RAB5C: variants seen among roughly 807,000 people sequenced by gnomAD.
The protein encoded by RAB5C is RAB5C, member RAS oncogene family.
RAB5C carries 4 observed loss-of-function variants against 25.2 expected under a neutral mutation model. The ratio of observed to expected loss-of-function variants is 0.16; its 90% CI spans 0.08 to 0.36. The LOEUF (loss-of-function observed/expected upper bound fraction) is 0.36, where lower values mean the gene tolerates loss of function less well. Among genes scored for constraint, RAB5C ranks in the 10% least tolerant of loss-of-function variants. RAB5C has a pLI of 1.00. For missense variants in RAB5C, 199 were observed against 283.8 expected (o/e 0.70, Z 2.15); for synonymous variants, 100 against 106.4 (o/e 0.94, Z 0.37).
chr17:42,128,655 G>A lies in RAB5C; in HGVS notation c.312C>T (p.Thr104=). 12 of 1,489,172 alleles carry A rather than the reference G, an allele frequency of 8.1e-6. No homozygotes were observed. Among genetic ancestry groups the A allele is most frequent in the Non-Finnish European group, 1.1e-5 (12 of 1,119,774 alleles). 92.2% of individuals were successfully genotyped at this position (1,489,172 alleles called of 1,614,324 possible). ...AGCAAGGGGAAATCTTTACTGTGTT[G>A]GTGATGTCATAGACCACGATGGCAG... ...AQAAIVVYDI[T]NTDTFARAKN... is the part of the protein sequence containing the mutation. Residue 104 remains threonine, a synonymous_variant, in exon 3 of 6, where the codon ACC becomes ACT. Transcript: ENST00000346213.
At position 42,130,483 on chromosome 17, in the gene RAB5C, G is replaced by A. The variant is rs1233145029; in HGVS notation, c.20C>T (p.Ala7Val). The change falls in exon 2 of 6, where the codon GCA becomes GTA. Residue 7 changes from alanine (A) to valine (V), a missense_variant. Ala to Val is a moderately conservative substitution (Grantham distance 64). Coordinates refer to ENST00000346213, the MANE Select transcript of RAB5C (RefSeq NM_004583.4). The stretch of plus-strand genomic sequence containing the variant: ...AGCAGCTGGTCCATTGGGTCGTGCT[G>A]CGCCTCCCCGACCCGCCATTGCCCG... MAGRGG[A>V]ARPNGPAAGN... The A allele has an allele frequency of 1.2e-6, 2 of 1,614,052 alleles. No individual in the cohort carries two copies. The highest frequency in any genetic ancestry group is 1.1e-5 in the South Asian group (1 of 91,084).
chr17:42,127,824 G>A (rs2054442457), intron 4 of RAB5C, among the ~76,000 whole-genome samples: 1 of 147,490 alleles, frequency 6.8e-6, no homozygotes, highest in Non-Finnish European at 1.5e-5. Context: ...ACCACACCTG[G>A]CTGTTTTTTT....
intron 1 of RAB5C, among the ~76,000 whole-genome samples, chr17:42,141,003 A>AT (rs1311870012): frequency 2.6e-5 from 4 of 151,274 alleles, no homozygotes. Context: ...TAATTTTTCT[A>AT]TTTTTTGTAG....
chr17:42,134,783 T>C (rs914770624), intron 1 of RAB5C, among the ~76,000 whole-genome samples: 1 of 152,218 alleles, frequency 6.6e-6, no homozygotes, highest in Admixed American at 6.5e-5. Context: ...CACACTATTT[T>C]CCTATTAATA....
rs781104069 is a variant in RAB5C at position 42,128,653 on chromosome 17, T to C, written c.314A>G (p.Asn105Ser). The change falls in exon 3 of 6, where the codon AAC (asparagine) becomes AGC (serine). Residue 105 changes from asparagine (N) to serine (S), a missense_variant. By Grantham distance (46) the Asn-to-Ser change is conservative. Coordinates refer to ENST00000346213, the MANE Select transcript of RAB5C (RefSeq NM_004583.4). ...QAAIVVYDIT[N>S]TDTFARAKNW... is the part of the protein sequence containing the mutation. Reference sequence around the variant, plus strand: ...GAAGCAAGGGGAAATCTTTACTGTGTTGGTGATGTCATAGACCACGATGGC... The same window carrying C: ...GAAGCAAGGGGAAATCTTTACTGTGCTGGTGATGTCATAGACCACGATGGC... 24 of 1,488,172 alleles carry C rather than the reference T, an allele frequency of 1.6e-5. No individual in the cohort carries two copies. The highest frequency in any genetic ancestry group is 2.1e-5 in the Non-Finnish European group (24 of 1,119,224). 92.2% of individuals were successfully genotyped at this position (1,488,172 alleles called of 1,614,324 possible).
chr17:42,154,144 G>T (rs1313716642), intron 1 of RAB5C, among the ~76,000 whole-genome samples: 1 of 152,192 alleles, frequency 6.6e-6, no homozygotes, highest in Non-Finnish European at 1.5e-5. Flanking sequence ...AGCAAGGGGG[G>T]AGGGGAAAGA....
At chr17:42,128,439 C>G in intron 3 of RAB5C, 56 bp from the exon 4 acceptor site, 1 of 1,561,344 alleles carries the variant, frequency 6.4e-7, no homozygotes, top group Non-Finnish European at 8.7e-7. Context: ...TGCCCAGGGC[C>G]ACCCATTAGA....
chr17:42,127,782 C>T lies in RAB5C; in HGVS notation c.441+479G>A, dbSNP rs574112447. Among the ~76,000 whole-genome samples, 15 of 150,624 alleles carry T rather than the reference C, an allele frequency of 1.0e-4. No individual in the cohort carries two copies. The East Asian group carries it at 2.9e-3, about 29-fold the overall frequency. On this transcript the variant is annotated intron_variant, in intron 4 of 5. Coordinates refer to ENST00000346213, the MANE Select transcript of RAB5C (RefSeq NM_004583.4). Reference sequence around the variant, plus strand: ...AAGCTCAAGTGATCTCCCGCCTCAGCCTGCAGAGTATTGGGATTACAGGTG... The same window carrying T: ...AAGCTCAAGTGATCTCCCGCCTCAGTCTGCAGAGTATTGGGATTACAGGTG...
At chr17:42,138,007 A>C (rs1351386822) in intron 1 of RAB5C, 2 of 152,356 alleles carry the variant, frequency 1.3e-5, no homozygotes, top group Non-Finnish European at 2.9e-5. Flanking sequence ...ATAAAAAATA[A>C]GATTCCCACA....
intron 1 of RAB5C, among the ~76,000 whole-genome samples, chr17:42,154,161 T>A (rs963585236): frequency 6.6e-6 from 1 of 151,984 alleles, no homozygotes; most frequent in African/African-American, 2.4e-5. Context: ...AAGAAGATAA[T>A]GAATGGGCAC....
chr17:42,131,799 T>A (rs971671043), intron 1 of RAB5C: 1 of 563,806 alleles, frequency 1.8e-6, no homozygotes. Context: ...TGCAGACACA[T>A]GAGGAGCCTA....
chr17:42,126,670 G>T (rs759615398), intron 5 of RAB5C, 85 bp downstream of exon 5: 2 of 621,616 alleles, frequency 3.2e-6, no homozygotes, highest in South Asian at 2.5e-5. Context: ...AGTGGTGAAG[G>T]GACCCCGCAG....
intron 1 of RAB5C, among the ~76,000 whole-genome samples, chr17:42,139,448 A>G (rs1241688706): frequency 6.6e-6 from 1 of 152,196 alleles, no homozygotes; most frequent in Non-Finnish European, 1.5e-5. Flanking sequence ...AGCACACCTC[A>G]GTCAGCAAGG....
rs782645090 is a variant in RAB5C at position 42,125,751 on chromosome 17, G to A, written c.*32C>T. 4.0e-6 allele frequency: 6 copies of A among 1,486,382 alleles called. No individual in the cohort carries two copies. The African/African-American group carries it at 4.1e-5, about 10-fold the overall frequency. 92.1% of individuals were successfully genotyped at this position (1,486,382 alleles called of 1,614,324 possible). On this transcript the variant is annotated 3_prime_UTR_variant, in exon 6 of 6. Transcript: ENST00000346213. ...ATTCCAGTCGGGTCATTCAGGCGGA[G>A]GAGGCGGGGGCAGCGGGCAGGCAAG...
chr17:42,153,111 T>C (rs763825338), intron 1 of RAB5C, among the ~76,000 whole-genome samples: 5 of 152,134 alleles, frequency 3.3e-5, no homozygotes, highest in Non-Finnish European at 4.4e-5. Context: ...TCTTCTGTTG[T>C]CCGATAAAAA....
intron 1 of RAB5C, among the ~76,000 whole-genome samples, chr17:42,146,789 G>A (rs2144095142): frequency 6.6e-6 from 1 of 151,114 alleles, no homozygotes; most frequent in South Asian, 2.1e-4. Flanking sequence ...GGCGGATCAC[G>A]AGGTCAGGAG....
chr17:42,125,915 A>G lies in RAB5C; in HGVS notation c.536-17T>C. 2 of 1,577,506 alleles carry G rather than the reference A, an allele frequency of 1.3e-6. No individual in the cohort carries two copies. Among genetic ancestry groups the G allele is most frequent in the Non-Finnish European group, 8.7e-7 (1 of 1,155,274 alleles). ...GCTTCTTAGCTGTTTGGGAGGGGGA[A>G]AAGTGCATTTGTTGGGGGTACCCCA... On this transcript the variant is annotated splice_polypyrimidine_tract_variant and intron_variant, in intron 5 of 5. Transcript: ENST00000346213.
At chr17:42,127,110 T>C (rs2054434451) in intron 4 of RAB5C, among the ~76,000 whole-genome samples, 1 of 152,234 alleles carries the variant, frequency 6.6e-6, no homozygotes, top group African/African-American at 2.4e-5. Context: ...TCAAAATCAC[T>C]AGGCTAGGAA....
chr17:42,154,104 C>T (rs936555084), intron 1 of RAB5C, among the ~76,000 whole-genome samples: 6 of 152,140 alleles, frequency 3.9e-5, no homozygotes, highest in African/African-American at 9.7e-5. Flanking sequence ...AAACCACTCA[C>T]GTGCTCTGGG....
Sources: gnomAD v4.1 joint callset for allele counts (sites outside exome capture counted in the v4.1 genomes callset) on GRCh38, gnomAD v4.1.1 for gene constraint, MANE v1.5 for transcripts, NCBI Gene and HGNC (gene_info 2026-07-23, HGNC 2026-07-21) for gene names.